The following SRSF12 variants were observed in gnomAD, a reference collection of about 807,000 sequenced individuals.
SRSF12 encodes serine/arginine-rich splicing factor 12.
In SRSF12, 21 loss-of-function variants were observed where a neutral mutation model predicts 34.1. The ratio of observed to expected loss-of-function variants is 0.62; its 90% CI spans 0.44 to 0.89. SRSF12 has a LOEUF of 0.89. Ranked by LOEUF, SRSF12 falls within the 40% of genes least tolerant of loss-of-function variation. SRSF12 has a pLI of 0.00. For missense variants in SRSF12, 278 were observed against 327.8 expected, an observed-to-expected ratio of 0.85 and a Z score of 1.17; for synonymous variants, 111 against 110.8, an observed-to-expected ratio of 1.00 and a Z score of -0.01.
rs1769262985 is a variant in SRSF12 at position 89,115,710 on chromosome 6, C to G, written c.65+2113G>C. ...GGAGTGCAGTGGCGCGATGTTGGCTCACTGCAAGCTCCGCCTCCCGGGTTC... is the reference window on the plus strand; with the variant it reads ...GGAGTGCAGTGGCGCGATGTTGGCTGACTGCAAGCTCCGCCTCCCGGGTTC... On this transcript the variant is annotated intron_variant, in intron 1 of 4. Transcript: ENST00000452027. 2.7e-5 allele frequency among the ~76,000 whole-genome samples: 4 copies of G among 148,500 alleles called. No individual in the cohort carries two copies. In the South Asian group the frequency reaches 8.4e-4, roughly 31 times the overall value.
At chr6:89,114,068 TG>T (rs1472436347) in intron 1 of SRSF12, among the ~76,000 whole-genome samples, 1 of 152,226 alleles carries the variant, frequency 6.6e-6, no homozygotes, top group Non-Finnish European at 1.5e-5. Context: ...ATCACTCACC[TG>T]CTATTCGATC....
intron 1 of SRSF12, among the ~76,000 whole-genome samples, chr6:89,115,263 C>A (rs984694604): frequency 6.6e-6 from 1 of 151,762 alleles, no homozygotes; most frequent in Non-Finnish European, 1.5e-5. Flanking sequence ...ATACACCAGG[C>A]TACATTTTAT....
In SRSF12 at chr6:89,105,494, A is replaced by G; in HGVS notation, c.207T>C (p.Tyr69=). The G allele has an allele frequency of 6.2e-7, 1 of 1,609,908 alleles. No individual in the cohort carries two copies. Among genetic ancestry groups the G allele is most frequent in the East Asian group, 2.2e-5 (1 of 44,792 alleles). The part of the protein sequence containing the change: ...EDVRDAEDAL[Y]NLNRKWVCGR... ...CACATACCCACTTTCTATTGAGGTT[A>G]TAAAGAGCATCTTCAGCATCTCGAA... The change falls in exon 3 of 5, where the codon TAT becomes TAC. Residue 69 remains tyrosine (Y), a synonymous_variant. Coordinates refer to ENST00000452027, the MANE Select transcript of SRSF12 (RefSeq NM_080743.5).
At chr6:89,110,103 T>A (rs1015147832) in intron 1 of SRSF12, among the ~76,000 whole-genome samples, 3 of 151,842 alleles carry the variant, frequency 2.0e-5, no homozygotes, top group Non-Finnish European at 2.9e-5. Flanking sequence ...AAAAAAAAAA[T>A]TATTTTCTCC....
intron 2 of SRSF12, 46 bp from the exon 3 acceptor site, chr6:89,105,576 C>A: frequency 1.5e-6 from 2 of 1,361,328 alleles, no homozygotes; most frequent in Non-Finnish European, 2.0e-6. Flanking sequence ...ATCAAGTAAA[C>A]ATATTTTAAA....
Position 89,105,465 on chromosome 6 carries a change from C to A in SRSF12, c.236G>T (p.Arg79Leu). The change falls in exon 3 of 5, where the codon CGT (arginine) becomes CTT (leucine). Residue 79 changes from arginine (R) to leucine (L), a missense_variant. By Grantham distance (102) the Arg-to-Leu change is moderately radical. Coordinates refer to ENST00000452027, the MANE Select transcript of SRSF12 (RefSeq NM_080743.5). ...TTGTGCAAACTGTATTTCAATCTGA[C>A]GGCCACATACCCACTTTCTATTGAG... ...YNLNRKWVCG[R>L]QIEIQFAQGD... 1 of 1,610,848 alleles carries A rather than the reference C, an allele frequency of 6.2e-7. No individual in the cohort carries two copies. The highest frequency in any genetic ancestry group is 1.1e-5 in the South Asian group (1 of 90,188).
intron 1 of SRSF12, among the ~76,000 whole-genome samples, chr6:89,115,114 G>C (rs1367830952): frequency 3.4e-5 from 5 of 147,648 alleles, no homozygotes; most frequent in African/African-American, 1.3e-4. Context: ...TATTTTTTTA[G>C]ACTCTCTAAA....
rs558826961 is a variant in SRSF12 at position 89,101,171 on chromosome 6, G to A, written c.417-2224C>T. Among the ~76,000 whole-genome samples, 15 of 150,070 alleles carry A rather than the reference G, an allele frequency of 1.0e-4. No individual in the cohort carries two copies. The South Asian group carries it at 2.5e-3, about 25-fold the overall frequency. ...AAGATCATTAGAAAAACATCCTACCGAAATACAGTGTGAGAAAAGGAATTT... is the reference window on the plus strand; with the variant it reads ...AAGATCATTAGAAAAACATCCTACCAAAATACAGTGTGAGAAAAGGAATTT... On this transcript the variant is annotated intron_variant, in intron 4 of 4. Coordinates refer to ENST00000452027, the MANE Select transcript of SRSF12 (RefSeq NM_080743.5).
intron 1 of SRSF12, among the ~76,000 whole-genome samples, chr6:89,113,507 C>G (rs1386705785): frequency 6.6e-6 from 1 of 152,108 alleles, no homozygotes; most frequent in African/African-American, 2.4e-5. Flanking sequence ...TGGAGCTTCA[C>G]TATGTTAGCC....
At chr6:89,112,001 C>T (rs898989915) in intron 1 of SRSF12, among the ~76,000 whole-genome samples, 2 of 152,148 alleles carry the variant, frequency 1.3e-5, no homozygotes, top group Non-Finnish European at 2.9e-5. Flanking sequence ...AGAAACATAA[C>T]ACAAATTTTA....
chr6:89,111,082 A>C (rs981009221), intron 1 of SRSF12, among the ~76,000 whole-genome samples: 4 of 151,718 alleles, frequency 2.6e-5, no homozygotes, highest in Non-Finnish European at 1.5e-5. Flanking sequence ...ACTGCACTCC[A>C]GTCTGGGAAG....
At position 89,098,475 on chromosome 6, in the gene SRSF12, A is replaced by C; in HGVS notation, c.*103T>G. The C allele has an allele frequency of 7.1e-7, 1 of 1,406,174 alleles. No homozygotes were observed. The highest frequency in any genetic ancestry group is 1.6e-5 in the South Asian group (1 of 64,258). 87.1% of individuals were successfully genotyped at this position (1,406,174 alleles called of 1,614,324 possible). On this transcript the variant is annotated 3_prime_UTR_variant, in exon 5 of 5. Transcript: ENST00000452027. The stretch of plus-strand genomic sequence containing the variant: ...TTCTTCCATATGCCCAAAGTAACTA[A>C]TATCAACTCGCATTTTCTGTATGCC...
rs771989086 is a variant in SRSF12 at position 89,098,789 on chromosome 6, A to G, written c.575T>C (p.Ile192Thr). 3 of 1,613,734 alleles carry G rather than the reference A, an allele frequency of 1.9e-6. No homozygotes were observed. In the African/African-American group the frequency reaches 4.0e-5, roughly 22 times the overall value. ...AGGTGAACTTGACTGTGATTTTCCT[A>G]TTGACTTGGACCTCTTTTGTAAGGA... is the stretch of plus-strand genomic sequence containing the variant. ...SKSLQKRSKS[I>T]GKSQSSSPQK... The change falls in exon 5 of 5, where the codon ATA becomes ACA. Residue 192 changes from isoleucine (I) to threonine (T), a missense_variant. Transcript: ENST00000452027.
intron 4 of SRSF12, among the ~76,000 whole-genome samples, chr6:89,101,985 G>A (rs1027515507): frequency 1.1e-4 from 17 of 150,092 alleles, no homozygotes; most frequent in Admixed American, 1.3e-4. Context: ...TCACTGCCCT[G>A]GTACTTCTCG....
Position 89,098,057 on chromosome 6 carries a change from A to C in SRSF12, c.*521T>G, listed in dbSNP as rs1235086628. ...TCTTTTGAATGTTTGATCTCTATATATATTCTACTTTTTGGAACATCAGAA... is the reference window on the plus strand; with the variant it reads ...TCTTTTGAATGTTTGATCTCTATATCTATTCTACTTTTTGGAACATCAGAA... On this transcript the variant is annotated 3_prime_UTR_variant, in exon 5 of 5. Transcript: ENST00000452027. 1 of 152,862 alleles carries C rather than the reference A, an allele frequency of 6.5e-6. No individual in the cohort carries two copies. Among genetic ancestry groups the C allele is most frequent in the African/African-American group, 2.4e-5 (1 of 41,448 alleles). The allele number at this position is 152,862 out of a possible 1,614,324, so 9.5% of individuals were successfully genotyped here.
intron 4 of SRSF12, among the ~76,000 whole-genome samples, chr6:89,101,109 C>CAAAAAAAAAAAAAAAAAAA (rs764910655): frequency 1.8e-5 from 1 of 54,642 alleles, no homozygotes; most frequent in Non-Finnish European, 4.7e-5. Flanking sequence ...ACCTCCAAGA[C>CAAAAAAAAAAAAAAAAAAA]AAAAAAAAAA....
intron 1 of SRSF12, among the ~76,000 whole-genome samples, chr6:89,113,871 G>A (rs1769170773): frequency 6.6e-6 from 1 of 152,040 alleles, no homozygotes; most frequent in Non-Finnish European, 1.5e-5. Context: ...TCAAACTCCT[G>A]AGCTTAAGTG....
In SRSF12 at chr6:89,117,975, C is replaced by T; in HGVS notation, c.-88G>A. On this transcript the variant is annotated 5_prime_UTR_variant, in exon 1 of 5. Transcript: ENST00000452027. ...ACCGCTGCTACCACCACAGGAGCTC[C>T]GCCGGCCCCCGGCGCGACCCCCACC... 1.4e-6 allele frequency: 2 copies of T among 1,400,876 alleles called. No individual in the cohort carries two copies. Among genetic ancestry groups the T allele is most frequent in the Non-Finnish European group, 1.9e-6 (2 of 1,044,320 alleles). 86.8% of individuals were successfully genotyped at this position (1,400,876 alleles called of 1,614,324 possible). A position where few individuals can be genotyped will look rare whatever the true frequency, so the allele number is the denominator to read the frequency against.
chr6:89,113,505 C>G (rs1769149818), intron 1 of SRSF12, among the ~76,000 whole-genome samples: 1 of 152,010 alleles, frequency 6.6e-6, no homozygotes, highest in Non-Finnish European at 1.5e-5. Context: ...GATGGAGCTT[C>G]ACTATGTTAG....
Sources: gnomAD v4.1 joint callset for allele counts (sites outside exome capture counted in the v4.1 genomes callset) on GRCh38, gnomAD v4.1.1 for gene constraint, MANE v1.5 for transcripts, NCBI Gene and HGNC (gene_info 2026-07-23, HGNC 2026-07-21) for gene names.